Variants in AMMECR1 observed in about 807,000 individuals in gnomAD.
The protein encoded by AMMECR1 is AMMECR nuclear protein 1, also known as nuclear protein AMMECR1.
A neutral mutation model predicts 22.5 loss-of-function variants in AMMECR1; 3 were observed. That is an observed-to-expected ratio of 0.13 (90% CI 0.06 to 0.35). The LOEUF is 0.35. Among genes scored for constraint, AMMECR1 ranks in the 10% least tolerant of loss-of-function variants. The probability of loss-of-function intolerance (pLI) is 1.00; values close to 1 mark genes in which losing one functional copy is unlikely to be tolerated. For missense variants in AMMECR1, 235 were observed against 278.7 expected, an observed-to-expected ratio of 0.84 and a Z score of 1.12; for synonymous variants, 130 against 116.7, an observed-to-expected ratio of 1.11 and a Z score of -0.74.
intron 2 of AMMECR1, among the ~76,000 whole-genome samples, chrX:110,357,242 C>T (rs1042262987): frequency 4.5e-5 from 5 of 111,781 alleles, no homozygotes; most frequent in Non-Finnish European, 9.4e-5. Flanking sequence ...TCCAAAGTAA[C>T]GTAGGTGTAT....
intron 2 of AMMECR1, among the ~76,000 whole-genome samples, chrX:110,391,911 A>T (rs1184800663): frequency 1.8e-5 from 2 of 112,385 alleles, no homozygotes; most frequent in Non-Finnish European, 3.8e-5. Context: ...GGCTTAAAAA[A>T]ATGTGAAAAA....
intron 2 of AMMECR1, among the ~76,000 whole-genome samples, chrX:110,394,187 T>C (rs12389230): frequency 0.012 from 1,366 of 113,095 alleles, 9 homozygotes; most frequent in African/African-American, 0.024. Flanking sequence ...ACACTTATTG[T>C]TAATGTTTAA....
At chrX:110,339,449 TC>T (rs1440522043) in intron 2 of AMMECR1, among the ~76,000 whole-genome samples, 5 of 102,021 alleles carry the variant, frequency 4.9e-5, no homozygotes, top group African/African-American at 1.4e-4. Context: ...AATTCTAAGG[TC>T]TTTTGAATGT....
intron 3 of AMMECR1, among the ~76,000 whole-genome samples, chrX:110,213,948 T>C: frequency 9.1e-6 from 1 of 110,230 alleles, no homozygotes; most frequent in Admixed American, 9.7e-5. Flanking sequence ...CACTTTCAAA[T>C]ACTTGTATAT....
chrX:110,224,503 A>C (rs946120770), intron 2 of AMMECR1, among the ~76,000 whole-genome samples: 1 of 109,359 alleles, frequency 9.1e-6, no homozygotes, highest in African/African-American at 3.4e-5. Flanking sequence ...ACTGACTCAG[A>C]GTTACAGGGA....
chrX:110,267,396 TA>T (rs1213172742), intron 1 of AMMECR1, among the ~76,000 whole-genome samples: 45 of 101,733 alleles, frequency 4.4e-4, no homozygotes, highest in Middle Eastern at 1.0e-2. Flanking sequence ...TCTTTTTTTT[TA>T]AAAAAAAAAA....
intron 2 of AMMECR1, among the ~76,000 whole-genome samples, chrX:110,386,025 A>T (rs1166171338): frequency 1.8e-5 from 2 of 112,147 alleles, no homozygotes; most frequent in African/African-American, 3.2e-5. Context: ...TTTTCCATTT[A>T]TCAGTTGATT....
At chrX:110,408,572 AC>A (rs2068619076) in intron 2 of AMMECR1, among the ~76,000 whole-genome samples, 1 of 112,098 alleles carries the variant, frequency 8.9e-6, no homozygotes, top group Non-Finnish European at 1.9e-5. Context: ...CCCTGCCCCG[AC>A]CCCACAGTTT....
intron 1 of AMMECR1, among the ~76,000 whole-genome samples, chrX:110,428,675 T>G (rs1031127996): frequency 3.6e-5 from 4 of 111,128 alleles, no homozygotes; most frequent in African/African-American, 1.3e-4. Flanking sequence ...CTTTCAGTCA[T>G]TCCTCATTGT....
intron 2 of AMMECR1, among the ~76,000 whole-genome samples, chrX:110,400,978 G>A (rs1277146199): frequency 8.9e-6 from 1 of 111,914 alleles, no homozygotes; most frequent in Non-Finnish European, 1.9e-5. Context: ...AGCAGGGTAG[G>A]TGGACATGAT....
intron 2 of AMMECR1, among the ~76,000 whole-genome samples, chrX:110,425,231 C>T (rs1400426944): frequency 8.9e-6 from 1 of 112,538 alleles, no homozygotes; most frequent in African/African-American, 3.2e-5. Flanking sequence ...CCAGGAAGAG[C>T]TATACAAAAG....
chrX:110,379,336 T>C (rs956738216), intron 2 of AMMECR1, among the ~76,000 whole-genome samples: 6 of 112,350 alleles, frequency 5.3e-5, no homozygotes, highest in Non-Finnish European at 1.1e-4. Flanking sequence ...TTGCCTTCAG[T>C]TATTCTTTTC....
intron 2 of AMMECR1, among the ~76,000 whole-genome samples, chrX:110,347,168 T>C (rs764264656): frequency 8.8e-6 from 1 of 113,542 alleles, no homozygotes; most frequent in South Asian, 3.6e-4. Context: ...ATTTTGACAA[T>C]GTGCCTTGGC....
At chrX:110,386,452 C>A (rs780611992) in intron 2 of AMMECR1, among the ~76,000 whole-genome samples, 1 of 110,475 alleles carries the variant, frequency 9.1e-6, no homozygotes, top group African/African-American at 3.3e-5. Context: ...GGTTGAGTAT[C>A]TTTTCATGTG....
chrX:110,261,383 GCTTTCTCCCTC>G (rs1466764228), intron 2 of AMMECR1, among the ~76,000 whole-genome samples: 1 of 109,988 alleles, frequency 9.1e-6, no homozygotes, highest in East Asian at 2.8e-4. Context: ...TTTTTGTTTT[GCTTTCTCCCTC>G]CTTTATGCCC....
intron 1 of AMMECR1, among the ~76,000 whole-genome samples, chrX:110,287,328 T>TC (rs2067885568): frequency 8.9e-6 from 1 of 112,347 alleles, no homozygotes; most frequent in Admixed American, 9.4e-5. Flanking sequence ...GGGAAGTGCC[T>TC]CCAGACCTAG....
chrX:110,352,392 A>G (rs1378501716), intron 2 of AMMECR1, among the ~76,000 whole-genome samples: 2 of 112,799 alleles, frequency 1.8e-5, no homozygotes, highest in Non-Finnish European at 3.7e-5. Context: ...GATACATTCT[A>G]CAACATGTAA....
chrX:110,435,114 A>AAAGAAG (rs1338290029), intron 1 of AMMECR1, among the ~76,000 whole-genome samples: 1 of 34,141 alleles, frequency 2.9e-5, no homozygotes, highest in Non-Finnish European at 5.1e-5. Context: ...AGGGGGGAGG[A>AAAGAAG]GGAAGGAGGG....
rs1241624179 is a variant in AMMECR1 at position 110,200,997 on chromosome X, C to A, written c.844G>T (p.Ala282Ser). ...DSLLRKGGYK[A>S]PITNEFRKTI... ...TTCCTGAATTCATTAGTAATCGGAG[C>A]TTTGTATCCTCCTTTCCTCAATAAG... The change falls in exon 5 of 6, where the codon GCT becomes TCT. Residue 282 changes from alanine (A) to serine (S), a missense_variant. By Grantham distance (99) the Ala-to-Ser change is moderately conservative. Transcript: ENST00000262844. The A allele has an allele frequency of 1.3e-5, 16 of 1,208,637 alleles. No individual in the cohort carries two copies. Among genetic ancestry groups the A allele is most frequent in the Non-Finnish European group, 1.8e-5 (16 of 893,108 alleles).
Sources: gnomAD v4.1 joint callset for allele counts (sites outside exome capture counted in the v4.1 genomes callset) on GRCh38, gnomAD v4.1.1 for gene constraint, MANE v1.5 for transcripts, NCBI Gene and HGNC (gene_info 2026-07-23, HGNC 2026-07-21) for gene names.